The following CTNND2 variants were observed in gnomAD, a reference collection of about 807,000 sequenced individuals.
CTNND2 encodes the protein catenin delta-2.
In CTNND2, 22 loss-of-function variants were observed where a neutral mutation model predicts 144.4. The ratio of observed to expected loss-of-function variants is 0.15; its 90% CI spans 0.11 to 0.22. The LOEUF (loss-of-function observed/expected upper bound fraction) is 0.22. Ranked by LOEUF, CTNND2 falls within the 10% of genes least tolerant of loss-of-function variation. The pLI is 1.00. For synonymous variants in CTNND2, 751 were observed against 695.6 expected (o/e 1.08, Z -1.25); for missense variants, 1,353 against 1,618.8 (o/e 0.84, Z 2.82).
chr5:10,988,058 T>C lies in CTNND2; in HGVS notation c.3343+53A>G. The stretch of plus-strand genomic sequence containing the variant: ...AGCCTGATGTCCCATATCTCTGCCT[T>C]GTCGCGGGTCAAGCCACCAAGTTCC... On this transcript the variant is annotated intron_variant, in intron 20 of 21. Coordinates refer to ENST00000304623, the MANE Select transcript of CTNND2 (RefSeq NM_001332.4). This position sits in a 1 kb window ranked among gnomAD's most constrained non-coding sequence, Gnocchi z 5.9. 1 of 1,610,350 alleles carries C rather than the reference T, an allele frequency of 6.2e-7. No homozygotes were observed. Among genetic ancestry groups the C allele is most frequent in the Non-Finnish European group, 8.5e-7 (1 of 1,177,998 alleles).
intron 3 of CTNND2, among the ~76,000 whole-genome samples, chr5:11,446,032 C>T (rs544154158): frequency 3.3e-5 from 5 of 152,136 alleles, no homozygotes; most frequent in Admixed American, 6.5e-5. Flanking sequence ...AGTGCAGTGG[C>T]GCGATCTTGG....
intron 2 of CTNND2, among the ~76,000 whole-genome samples, chr5:11,635,013 A>G (rs1048498310): frequency 6.6e-6 from 1 of 152,116 alleles, no homozygotes; most frequent in Non-Finnish European, 1.5e-5. Flanking sequence ...AATTAGAGGT[A>G]GGGATTATAC....
chr5:11,283,660 T>C (rs1192094196), intron 9 of CTNND2, among the ~76,000 whole-genome samples: 2 of 95,100 alleles, frequency 2.1e-5, no homozygotes, highest in Non-Finnish European at 1.9e-5. Flanking sequence ...GGTGAAAGAG[T>C]GAGACTCCGT....
At chr5:11,479,512 C>T (rs1315286224) in intron 3 of CTNND2, among the ~76,000 whole-genome samples, 19 of 152,138 alleles carry the variant, frequency 1.2e-4, no homozygotes, top group Admixed American at 1.2e-3. Flanking sequence ...TGGTTATACA[C>T]CTAGTAATAA....
intron 8 of CTNND2, among the ~76,000 whole-genome samples, chr5:11,353,803 C>CAAAAAAAAA (rs762692283): frequency 9.9e-5 from 12 of 121,566 alleles, no homozygotes; most frequent in African/African-American, 3.3e-4. Flanking sequence ...GACTCCATTT[C>CAAAAAAAAA]AAAAAAAAAA....
chr5:11,277,820 C>T (rs901819932), intron 9 of CTNND2, among the ~76,000 whole-genome samples: 8 of 152,084 alleles, frequency 5.3e-5, no homozygotes, highest in African/African-American at 1.7e-4. Context: ...TGTGAGCCAC[C>T]GCATCCAGCC....
At chr5:11,511,193 A>G (rs1771608795) in intron 3 of CTNND2, among the ~76,000 whole-genome samples, 1 of 152,242 alleles carries the variant, frequency 6.6e-6, no homozygotes, top group South Asian at 2.1e-4. Flanking sequence ...ATGCTTTCTC[A>G]GAAAGTGTTA....
intron 1 of CTNND2, among the ~76,000 whole-genome samples, chr5:11,857,254 C>T (rs930550320): frequency 1.3e-5 from 2 of 151,968 alleles, no homozygotes; most frequent in Admixed American, 6.6e-5. Context: ...GAAAAGAGTC[C>T]GGGATGATGA....
chr5:11,789,875 T>A (rs1253525424), intron 1 of CTNND2, among the ~76,000 whole-genome samples: 1 of 152,224 alleles, frequency 6.6e-6, no homozygotes, highest in East Asian at 1.9e-4. Context: ...GAACTTCCTT[T>A]TATTTTATTC....
intron 9 of CTNND2, among the ~76,000 whole-genome samples, chr5:11,283,990 T>G (rs2150002001): frequency 6.6e-6 from 1 of 152,286 alleles, no homozygotes. Flanking sequence ...TGTGGGCTAT[T>G]AGCAACCACC....
At chr5:11,728,369 T>C (rs184122760) in intron 2 of CTNND2, among the ~76,000 whole-genome samples, 4 of 151,466 alleles carry the variant, frequency 2.6e-5, no homozygotes, top group Non-Finnish European at 5.9e-5. Flanking sequence ...TTCAGGAGGC[T>C]GGGGCAGGAG....
At chr5:11,512,408 T>C (rs1254894945) in intron 3 of CTNND2, among the ~76,000 whole-genome samples, 3 of 152,266 alleles carry the variant, frequency 2.0e-5, no homozygotes, top group African/African-American at 4.8e-5. Flanking sequence ...GCAAAAATTC[T>C]GCGGCTTATC....
At chr5:11,351,894 G>T (rs1580988023) in intron 8 of CTNND2, among the ~76,000 whole-genome samples, 1 of 152,216 alleles carries the variant, frequency 6.6e-6, no homozygotes, top group South Asian at 2.1e-4. Flanking sequence ...AAATAGATGA[G>T]GTGACAATGG....
At chr5:11,215,657 G>C (rs1211350494) in intron 10 of CTNND2, among the ~76,000 whole-genome samples, 2 of 152,128 alleles carry the variant, frequency 1.3e-5, no homozygotes, top group Non-Finnish European at 2.9e-5. Context: ...TCACTCTTTA[G>C]GCTTTAAGAC....
At chr5:11,052,459 T>C (rs1023075574) in intron 16 of CTNND2, among the ~76,000 whole-genome samples, 1 of 152,172 alleles carries the variant, frequency 6.6e-6, no homozygotes, top group African/African-American at 2.4e-5. Flanking sequence ...AATAACTTGA[T>C]TGTTCAATCC....
At chr5:11,451,790 T>G (rs1409452501) in intron 3 of CTNND2, among the ~76,000 whole-genome samples, 1 of 152,214 alleles carries the variant, frequency 6.6e-6, no homozygotes, top group African/African-American at 2.4e-5. Context: ...TATTTTTAAT[T>G]TGAGAGAAGA....
intron 3 of CTNND2, among the ~76,000 whole-genome samples, chr5:11,538,822 T>C (rs1040864056): frequency 3.3e-5 from 5 of 152,158 alleles, no homozygotes; most frequent in African/African-American, 1.2e-4. Flanking sequence ...ATTCACAGGA[T>C]GTTATTTTTA....
chr5:11,395,542 T>C (rs2149814015), intron 6 of CTNND2, among the ~76,000 whole-genome samples: 1 of 152,382 alleles, frequency 6.6e-6, no homozygotes, highest in South Asian at 2.1e-4. Flanking sequence ...TGACTTCAGA[T>C]ACAGAGCTTT....
chr5:11,061,335 T>C (rs1160733113), intron 16 of CTNND2, among the ~76,000 whole-genome samples: 2 of 152,198 alleles, frequency 1.3e-5, no homozygotes. Flanking sequence ...AGAGGACTTT[T>C]AGTAATAAAC....
Sources: gnomAD v4.1 joint callset for allele counts (sites outside exome capture counted in the v4.1 genomes callset) on GRCh38, gnomAD v4.1.1 for gene constraint, Gnocchi (gnomAD v3.1) non-coding constraint, MANE v1.5 for transcripts, NCBI Gene and HGNC (gene_info 2026-07-23, HGNC 2026-07-21) for gene names.